Variants in PRSS12 observed in about 807,000 individuals in gnomAD.
The protein encoded by PRSS12 is serine protease 12, also known as neurotrypsin.
PRSS12 carries 85 observed loss-of-function variants against 104.4 expected under a neutral mutation model. That is an observed-to-expected ratio of 0.81 (90% CI 0.68 to 0.98). The LOEUF is 0.98. Ranked by LOEUF, PRSS12 falls within the 50% of genes least tolerant of loss-of-function variation. The pLI is 0.00. For synonymous variants in PRSS12, 454 were observed against 425.2 expected, an observed-to-expected ratio of 1.07 and a Z score of -0.83; for missense variants, 1,141 against 1,139.2, an observed-to-expected ratio of 1.00 and a Z score of -0.02.
At chr4:118,285,895 GT>G (rs1435983579) in intron 11 of PRSS12, among the ~76,000 whole-genome samples, 1 of 152,040 alleles carries the variant, frequency 6.6e-6, no homozygotes, top group South Asian at 2.1e-4. Flanking sequence ...AGAAACAGCT[GT>G]GACGCTTGGC....
At chr4:118,317,468 T>C (rs918188548) in intron 5 of PRSS12, among the ~76,000 whole-genome samples, 2 of 152,178 alleles carry the variant, frequency 1.3e-5, no homozygotes, top group African/African-American at 4.8e-5. Context: ...AATATAATAT[T>C]TTACTGTCTG....
At position 118,293,363 on chromosome 4, in the gene PRSS12, A is replaced by C. The variant is rs184655327; in HGVS notation, c.2039+1576T>G. On this transcript the variant is annotated intron_variant, in intron 11 of 12. Transcript: ENST00000296498. ...AATTTTTAGGAAAACAAATAAGAGA[A>C]TATCTTCACCAAATGGGGCAAAGAT... 7.3e-4 allele frequency among the ~76,000 whole-genome samples: 111 copies of C among 152,248 alleles called. 1 individual carries two copies. The highest frequency in any genetic ancestry group is 2.5e-3 in the African/African-American group (104 of 41,580).
At chr4:118,339,812 A>G (rs1724154955) in intron 1 of PRSS12, among the ~76,000 whole-genome samples, 1 of 152,202 alleles carries the variant, frequency 6.6e-6, no homozygotes, top group Non-Finnish European at 1.5e-5. Context: ...TCTTCTACAG[A>G]GGTCCACGTA....
At position 118,280,856 on chromosome 4, in the gene PRSS12, G is replaced by A. The variant is rs1205564083; in HGVS notation, c.*1080C>T. On this transcript the variant is annotated 3_prime_UTR_variant, in exon 13 of 13. Coordinates refer to ENST00000296498, the MANE Select transcript of PRSS12 (RefSeq NM_003619.4). ...TTTCACCAACTGGTCTCACTTTGAGGCAAGCCTGTTTTCCCCCATTTGAAA... is the reference window on the plus strand; with the variant it reads ...TTTCACCAACTGGTCTCACTTTGAGACAAGCCTGTTTTCCCCCATTTGAAA... 1 of 152,170 alleles carries A rather than the reference G, an allele frequency of 6.6e-6. No homozygotes were observed. Among genetic ancestry groups the A allele is most frequent in the Non-Finnish European group, 1.5e-5 (1 of 68,024 alleles). 9.4% of individuals were successfully genotyped at this position (152,170 alleles called of 1,614,324 possible).
intron 8 of PRSS12, among the ~76,000 whole-genome samples, chr4:118,299,735 A>G (rs1451740233): frequency 2.3e-5 from 2 of 87,086 alleles, no homozygotes; most frequent in Non-Finnish European, 5.1e-5. Flanking sequence ...ATAAAATAAA[A>G]TAAAATAAAA....
chr4:118,349,721 G>A (rs1268742789), intron 1 of PRSS12, among the ~76,000 whole-genome samples: 1 of 152,006 alleles, frequency 6.6e-6, no homozygotes, highest in East Asian at 1.9e-4. Flanking sequence ...AATGAAATGA[G>A]GCCGGGAGCG....
chr4:118,310,125 T>C (rs1743668882), intron 7 of PRSS12, among the ~76,000 whole-genome samples: 1 of 152,222 alleles, frequency 6.6e-6, no homozygotes, highest in Admixed American at 6.5e-5. Flanking sequence ...AAACTTCATA[T>C]TTCTCATTAA....
intron 1 of PRSS12, among the ~76,000 whole-genome samples, chr4:118,346,904 C>G (rs1048212542): frequency 6.6e-6 from 1 of 152,172 alleles, no homozygotes; most frequent in Non-Finnish European, 1.5e-5. Context: ...GAACTGGTCC[C>G]TGGTGCCAAA....
Position 118,298,824 on chromosome 4 carries a change from T to G in PRSS12, c.1746A>C (p.Gln582His). 2 of 1,614,194 alleles carry G rather than the reference T, an allele frequency of 1.2e-6. No homozygotes were observed. Among genetic ancestry groups the G allele is most frequent in the Non-Finnish European group, 1.7e-6 (2 of 1,180,030 alleles). Reference protein sequence around the residue: ...NERSLADCIKQDIGRHNCRHS... With the variant: ...NERSLADCIKHDIGRHNCRHS... Reference sequence around the variant, plus strand: ...GGCGGCAGTTGTGTCTTCCAATATCTTGCTTGATACAGTCAGCCAAGGACC... The same window carrying G: ...GGCGGCAGTTGTGTCTTCCAATATCGTGCTTGATACAGTCAGCCAAGGACC... Residue 582 changes from glutamine to histidine, a missense_variant, in exon 9 of 13, where the codon CAA becomes CAC. Coordinates refer to ENST00000296498, the MANE Select transcript of PRSS12 (RefSeq NM_003619.4).
At chr4:118,304,077 A>G (rs1158082339) in intron 8 of PRSS12, among the ~76,000 whole-genome samples, 1 of 151,968 alleles carries the variant, frequency 6.6e-6, no homozygotes, top group Non-Finnish European at 1.5e-5. Flanking sequence ...GAAATTATAA[A>G]TTCCAGAGAC....
intron 9 of PRSS12, among the ~76,000 whole-genome samples, chr4:118,298,133 G>A (rs1259462874): frequency 7.4e-5 from 10 of 135,346 alleles, no homozygotes; most frequent in Admixed American, 4.7e-4. Context: ...GCAAGACTCC[G>A]TCTCAACAAA....
At chr4:118,333,119 T>C (rs1723969995) in intron 3 of PRSS12, among the ~76,000 whole-genome samples, 2 of 152,154 alleles carry the variant, frequency 1.3e-5, no homozygotes, top group African/African-American at 4.8e-5. Flanking sequence ...GAGGGAAGCA[T>C]GTTCAGGCCA....
chr4:118,338,119 C>A (rs1337945527), intron 2 of PRSS12, 57 bp downstream of exon 2: 1 of 1,603,972 alleles, frequency 6.2e-7, no homozygotes, highest in Non-Finnish European at 8.5e-7. Flanking sequence ...ATGACGGGCA[C>A]CCAGCATTAT....
At chr4:118,350,556 G>T (rs79790938) in intron 1 of PRSS12, among the ~76,000 whole-genome samples, 2 of 152,018 alleles carry the variant, frequency 1.3e-5, no homozygotes. Flanking sequence ...TTTCTCTTTT[G>T]TTCAATCACT....
At chr4:118,330,411 GA>G (rs1352287322) in intron 4 of PRSS12, among the ~76,000 whole-genome samples, 2 of 151,432 alleles carry the variant, frequency 1.3e-5, no homozygotes, top group African/African-American at 4.8e-5. Flanking sequence ...ACACCAGAAG[GA>G]AAAAAATAAG....
rs531150286 is a variant in PRSS12, at chr4:118,305,554, G to A, written c.1631+2882C>T. On this transcript the variant is annotated intron_variant, in intron 8 of 12. Coordinates refer to ENST00000296498, the MANE Select transcript of PRSS12 (RefSeq NM_003619.4). ...CTGTGATACCATTACCACAACCAAGGTGCTAAATATATCCATCACCTCCAA... is the reference window on the plus strand; with the variant it reads ...CTGTGATACCATTACCACAACCAAGATGCTAAATATATCCATCACCTCCAA... 2.4e-3 allele frequency among the ~76,000 whole-genome samples: 363 copies of A among 152,078 alleles called. 3 individuals are homozygous for A. The Middle Eastern group carries it at 0.027, about 11-fold the overall frequency.
In PRSS12 at chr4:118,352,880, G is replaced by C; in HGVS notation, c.-160C>G. 1 of 1,417,818 alleles carries C rather than the reference G, an allele frequency of 7.1e-7. No individual in the cohort carries two copies. The highest frequency in any genetic ancestry group is 9.2e-7 in the Non-Finnish European group (1 of 1,088,566). The allele number at this position is 1,417,818 out of a possible 1,614,324, so 87.8% of individuals were successfully genotyped here. On this transcript the variant is annotated 5_prime_UTR_variant, in exon 1 of 13. Transcript: ENST00000296498. Reference sequence around the variant, plus strand: ...CCTCGCCTCCCCAACCTTGCCTCCCGCCGCTGGTGCCCTGCCGCGCCTCGG... The same window carrying C: ...CCTCGCCTCCCCAACCTTGCCTCCCCCCGCTGGTGCCCTGCCGCGCCTCGG...
rs190870811 is a variant in PRSS12 at position 118,298,964 on chromosome 4, G to T, written c.1632-26C>A. 27 of 1,607,012 alleles carry T rather than the reference G, an allele frequency of 1.7e-5. No homozygotes were observed. In the Admixed American group the frequency reaches 3.5e-4, roughly 21 times the overall value. On this transcript the variant is annotated intron_variant, in intron 8 of 12. Transcript: ENST00000296498. Reference sequence around the variant, plus strand: ...CTGAAGACAGAACATTCTTAATCATGTGAAGAATCAGTCAGTCATATATCT... The same window carrying T: ...CTGAAGACAGAACATTCTTAATCATTTGAAGAATCAGTCAGTCATATATCT...
Position 118,295,834 on chromosome 4 carries a change from G to C in PRSS12, c.1860C>G (p.Gly620=). The change falls in exon 10 of 13, where the codon GGC becomes GGG. Residue 620 remains glycine, a synonymous_variant. Coordinates refer to ENST00000296498, the MANE Select transcript of PRSS12 (RefSeq NM_003619.4). ...TCTGCCGACGGTGCAGTAATCTCAA[G>C]CCACAAACAGATGAGAGGGACTCTG... ...SNKESLSSVC[G]LRLLHRRQKR... is the part of the protein sequence containing the mutation. The C allele has an allele frequency of 6.2e-7, 1 of 1,613,994 alleles. No individual in the cohort carries two copies.
Sources: allele counts gnomAD v4.1 joint callset (sites outside exome capture counted in the v4.1 genomes callset), GRCh38; gene constraint gnomAD v4.1.1; transcripts MANE v1.5; gene names NCBI Gene and HGNC (gene_info 2026-07-23, HGNC 2026-07-21).